The following CSMD1 variants were observed in gnomAD, a reference collection of about 807,000 sequenced individuals.
CSMD1 encodes CUB and sushi domain-containing protein 1.
A neutral mutation model predicts 417.5 loss-of-function variants in CSMD1; 213 were observed. The ratio of observed to expected loss-of-function variants is 0.51; its 90% CI spans 0.46 to 0.57. The LOEUF (loss-of-function observed/expected upper bound fraction) is 0.57, where lower values mean the gene tolerates loss of function less well. Ranked by LOEUF, CSMD1 falls within the 20% of genes least tolerant of loss-of-function variation. CSMD1 has a pLI of 0.00. For missense variants in CSMD1, 6,923 were observed against 4,529.7 expected, an observed-to-expected ratio of 1.53 and a Z score of -15.17; for synonymous variants, 2,862 against 1,736.8, an observed-to-expected ratio of 1.65 and a Z score of -16.11.
intron 3 of CSMD1, among the ~76,000 whole-genome samples, chr8:4,399,845 G>C (rs959401884): frequency 6.6e-6 from 1 of 152,158 alleles, no homozygotes; most frequent in Non-Finnish European, 1.5e-5. Context: ...ATTAAGGTGA[G>C]AGAAAGATCC....
chr8:3,515,155 A>C (rs1563111993), intron 10 of CSMD1: 2 of 152,214 alleles, frequency 1.3e-5, no homozygotes, highest in African/African-American at 4.8e-5. Context: ...AAGGATCAAG[A>C]AGTAGTCATG....
chr8:4,859,177 AT>A (rs1303710895), intron 1 of CSMD1, among the ~76,000 whole-genome samples: 2 of 151,982 alleles, frequency 1.3e-5, no homozygotes, highest in African/African-American at 4.8e-5. Flanking sequence ...AGGATTCCCT[AT>A]TTAATAAATG....
chr8:3,121,370 T>C lies in CSMD1; in HGVS notation c.6242-2783A>G, dbSNP rs75003430. 9.2e-3 allele frequency among the ~76,000 whole-genome samples: 1,402 copies of C among 152,224 alleles called. 24 individuals carry two copies. The highest frequency in any genetic ancestry group is 0.032 in the African/African-American group (1,350 of 41,540). On this transcript the variant is annotated intron_variant, in intron 41 of 69. Coordinates refer to ENST00000635120, the MANE Select transcript of CSMD1 (RefSeq NM_033225.6). ...GTCAGAGACGCAGCAGAAAAATGAT[T>C]GAGAACAAGAAAAATCGAGATCAGA...
intron 6 of CSMD1, among the ~76,000 whole-genome samples, chr8:3,741,236 A>AAG (rs1563329915): frequency 2.8e-5 from 4 of 142,558 alleles, no homozygotes; most frequent in African/African-American, 7.8e-5. Context: ...AAAAAAAAAA[A>AAG]AAAAACATAC....
chr8:3,605,084 T>G (rs1024823862), intron 8 of CSMD1, among the ~76,000 whole-genome samples: 8 of 152,312 alleles, frequency 5.3e-5, no homozygotes, highest in African/African-American at 1.9e-4. Flanking sequence ...AACCTCAGCC[T>G]CCCAGGTTCA....
intron 23 of CSMD1, among the ~76,000 whole-genome samples, chr8:3,335,627 G>A (rs980042487): frequency 1.3e-5 from 2 of 152,138 alleles, no homozygotes; most frequent in African/African-American, 2.4e-5. Flanking sequence ...AATGAGTCGA[G>A]CTCGTGCCAT....
rs549041205 is a variant in CSMD1, at chr8:4,856,125, C to A, written c.85+138207G>T. On this transcript the variant is annotated intron_variant, in intron 1 of 69. Coordinates refer to ENST00000635120, the MANE Select transcript of CSMD1 (RefSeq NM_033225.6). ...GGCCAATATTCAACATTCTTAAAGA[C>A]AAGAATTTTCAACCCAGAATTTCAT... 8.9e-3 allele frequency among the ~76,000 whole-genome samples: 1,343 copies of A among 151,510 alleles called. 5 individuals are homozygous for A. The highest frequency in any genetic ancestry group is 0.014 in the Non-Finnish European group (919 of 67,800).
intron 29 of CSMD1, 100 bp from the exon 30 acceptor site, chr8:3,214,791 C>G (rs376757641): frequency 2.5e-6 from 2 of 815,056 alleles, no homozygotes; most frequent in African/African-American, 1.7e-5. Flanking sequence ...TATTTAGGGC[C>G]TAGAACAATG....
intron 55 of CSMD1, among the ~76,000 whole-genome samples, chr8:2,977,062 A>G (rs1235824123): frequency 1.3e-5 from 2 of 152,138 alleles, no homozygotes; most frequent in East Asian, 3.9e-4. Flanking sequence ...TAAAAAAAAA[A>G]AGAAAGAAAG....
At chr8:4,112,463 G>C (rs76774317) in intron 3 of CSMD1, among the ~76,000 whole-genome samples, 18 of 152,182 alleles carry the variant, frequency 1.2e-4, no homozygotes, top group African/African-American at 4.3e-4. Context: ...TTCTCCCCTG[G>C]TTCTTCCACC....
At chr8:4,942,385 A>T (rs564325285) in intron 1 of CSMD1, among the ~76,000 whole-genome samples, 4 of 152,122 alleles carry the variant, frequency 2.6e-5, no homozygotes, top group Non-Finnish European at 5.9e-5. Flanking sequence ...CTTTGCTGAG[A>T]TTACTCTTAT....
intron 7 of CSMD1, among the ~76,000 whole-genome samples, chr8:3,639,153 A>G (rs1189809600): frequency 6.6e-6 from 1 of 152,238 alleles, no homozygotes; most frequent in Non-Finnish European, 1.5e-5. Context: ...TAAGCCTTGC[A>G]GTAAAGGCCG....
chr8:3,028,093 C>T (rs1007097148), intron 51 of CSMD1, among the ~76,000 whole-genome samples: 24 of 152,200 alleles, frequency 1.6e-4, no homozygotes, highest in Admixed American at 5.2e-4. Context: ...CGCTGTACTG[C>T]GCTGTGCCAG....
chr8:4,656,331 G>C (rs1000449917), intron 1 of CSMD1, among the ~76,000 whole-genome samples: 1 of 152,054 alleles, frequency 6.6e-6, no homozygotes, highest in African/African-American at 2.4e-5. Context: ...CTTCAGGGTA[G>C]AGAAGGTCAG....
chr8:4,201,354 C>T (rs1260759199), intron 3 of CSMD1, among the ~76,000 whole-genome samples: 4 of 151,876 alleles, frequency 2.6e-5, no homozygotes, highest in South Asian at 2.1e-4. Flanking sequence ...TTGGGTAACA[C>T]GGTGAAACCC....
intron 42 of CSMD1, among the ~76,000 whole-genome samples, chr8:3,118,010 T>C (rs1422819546): frequency 6.6e-6 from 1 of 152,112 alleles, no homozygotes; most frequent in Non-Finnish European, 1.5e-5. Flanking sequence ...ACACCAAGGA[T>C]CAAATTAATA....
At chr8:4,184,513 A>G (rs1798554728) in intron 3 of CSMD1, among the ~76,000 whole-genome samples, 1 of 152,226 alleles carries the variant, frequency 6.6e-6, no homozygotes, top group Non-Finnish European at 1.5e-5. Flanking sequence ...TGTATACACC[A>G]TGGAATACTA....
At chr8:3,556,279 A>G (rs1193633807) in intron 10 of CSMD1, among the ~76,000 whole-genome samples, 2 of 150,958 alleles carry the variant, frequency 1.3e-5, no homozygotes, top group Non-Finnish European at 3.0e-5. Flanking sequence ...TCACCTCCCT[A>G]CAACCCCCAC....
chr8:4,178,693 G>A (rs957199898), intron 3 of CSMD1, among the ~76,000 whole-genome samples: 1 of 152,132 alleles, frequency 6.6e-6, no homozygotes, highest in African/African-American at 2.4e-5. Flanking sequence ...CACTGTCTCA[G>A]CCCAAAATCT....
Sources: allele counts gnomAD v4.1 joint callset (sites outside exome capture counted in the v4.1 genomes callset), GRCh38; gene constraint gnomAD v4.1.1; transcripts MANE v1.5; gene names NCBI Gene and HGNC (gene_info 2026-07-23, HGNC 2026-07-21).